HSPG2: variants seen among roughly 807,000 people sequenced by gnomAD.
HSPG2 encodes heparan sulfate proteoglycan 2, also known as basement membrane-specific heparan sulfate proteoglycan core protein.
In HSPG2, 278 loss-of-function variants were observed where a neutral mutation model predicts 526.6. The observed-to-expected ratio is 0.53, with a 90% CI of 0.48 to 0.58. The LOEUF (loss-of-function observed/expected upper bound fraction) is 0.58. Ranked by LOEUF, HSPG2 falls within the 20% of genes least tolerant of loss-of-function variation. HSPG2 has a pLI of 0.00. For synonymous variants in HSPG2, 2,465 were observed against 2,555.4 expected, an observed-to-expected ratio of 0.96 and a Z score of 1.07; for missense variants, 5,354 against 6,099.5, an observed-to-expected ratio of 0.88 and a Z score of 4.07.
At chr1:21,840,569 T>G (rs1285030595) in intron 71 of HSPG2, among the ~76,000 whole-genome samples, 1 of 152,110 alleles carries the variant, frequency 6.6e-6, no homozygotes, top group Non-Finnish European at 1.5e-5. Flanking sequence ...GCCTCCCAAA[T>G]TGCTAGGATT....
At position 21,864,250 on chromosome 1, in the gene HSPG2, C is replaced by A; in HGVS notation, c.4627-37G>T. The A allele has an allele frequency of 2.7e-6, 4 of 1,504,366 alleles. No individual in the cohort carries two copies. The highest frequency in any genetic ancestry group is 2.4e-5 in the South Asian group (2 of 83,112). The allele number at this position is 1,504,366 out of a possible 1,614,324, so 93.2% of individuals were successfully genotyped here. A position where few individuals can be genotyped will look rare whatever the true frequency, so the allele number is the denominator to read the frequency against. ...GAGGAAGGTTGGCCTCTGTTCCCAACGTGCCCCACCCACAGCCAGCAGACC... is the reference window on the plus strand; with the variant it reads ...GAGGAAGGTTGGCCTCTGTTCCCAAAGTGCCCCACCCACAGCCAGCAGACC... On this transcript the variant is annotated intron_variant, in intron 36 of 96. Coordinates refer to ENST00000374695, the MANE Select transcript of HSPG2 (RefSeq NM_005529.7). This position sits in a 1 kb window ranked among gnomAD's most constrained non-coding sequence, Gnocchi z 4.8.
Position 21,839,685 on chromosome 1 carries a change from T to TG in HSPG2, c.9709+136dup. 1.5e-6 allele frequency: 2 copies of TG among 1,375,458 alleles called. No homozygotes were observed. The highest frequency in any genetic ancestry group is 2.0e-6 in the Non-Finnish European group (2 of 991,612). The allele number at this position is 1,375,458 out of a possible 1,614,324, so 85.2% of individuals were successfully genotyped here. A position where few individuals can be genotyped will look rare whatever the true frequency, so the allele number is the denominator to read the frequency against. The stretch of plus-strand genomic sequence containing the variant: ...CCCAGTTGGGTTCCTCGGCCATCAC[T>TG]GGGGGATGCTAGCAACACGGTCTCC... On this transcript the variant is annotated intron_variant, in intron 72 of 96. Coordinates refer to ENST00000374695, the MANE Select transcript of HSPG2 (RefSeq NM_005529.7). The surrounding 1 kb of genome is among the most constrained non-coding windows in gnomAD (Gnocchi z 4.5).
Position 21,928,388 on chromosome 1 carries a change from C to A in HSPG2, c.63+8767G>T, listed in dbSNP as rs549744150. Among the ~76,000 whole-genome samples the A allele has an allele frequency of 4.7e-4, 71 of 152,360 alleles. 1 individual carries two copies. Among genetic ancestry groups the A allele is most frequent in the African/African-American group, 1.6e-3 (67 of 41,598 alleles). The stretch of plus-strand genomic sequence containing the variant: ...TCCAATCTCAGCAAGGAGCCTGGGC[C>A]TTCTTGGCCTGCTGGCTTCCTCAAA... On this transcript the variant is annotated intron_variant, in intron 1 of 96. Coordinates refer to ENST00000374695, the MANE Select transcript of HSPG2 (RefSeq NM_005529.7).
In HSPG2 at chr1:21,895,947, G is replaced by T. The variant is rs745491060; in HGVS notation, c.219C>A (p.Asp73Glu). ...SISGDDLGSG[D>E]LGSGDFQMVY... is the part of the protein sequence containing the mutation. The stretch of plus-strand genomic sequence containing the variant: ...CCATCTGGAAGTCCCCGCTGCCCAG[G>T]TCCCCACTGCCCAGGTCGTCTATAA... Residue 73 changes from aspartate to glutamate, a missense_variant, in exon 3 of 97, where the codon GAC (aspartate) becomes GAA (glutamate). Physicochemically the swap from Asp to Glu is conservative, Grantham distance 45. Coordinates refer to ENST00000374695, the MANE Select transcript of HSPG2 (RefSeq NM_005529.7). This position sits in a 1 kb window ranked among gnomAD's most constrained non-coding sequence, Gnocchi z 4.1. The T allele has an allele frequency of 1.2e-6, 2 of 1,613,940 alleles. No homozygotes were observed. The highest frequency in any genetic ancestry group is 8.5e-7 in the Non-Finnish European group (1 of 1,179,960).
chr1:21,865,598 C>A lies in HSPG2; in HGVS notation c.4314+119G>T, dbSNP rs543620547. The A allele has an allele frequency of 3.5e-4, 340 of 969,352 alleles. 1 individual carries two copies. In the East Asian group the frequency reaches 8.0e-3, roughly 23 times the overall value. 60.0% of individuals were successfully genotyped at this position (969,352 alleles called of 1,614,324 possible). A position where few individuals can be genotyped will look rare whatever the true frequency, so the allele number is the denominator to read the frequency against. On this transcript the variant is annotated intron_variant, in intron 34 of 96. Coordinates refer to ENST00000374695, the MANE Select transcript of HSPG2 (RefSeq NM_005529.7). The surrounding 1 kb of genome is among the most constrained non-coding windows in gnomAD (Gnocchi z 5.4). ...GGGATGTGGGGGCATGGGCCTAACTCCCCCAGCCTGTGCCAGAAAACTGAG... is the reference window on the plus strand; with the variant it reads ...GGGATGTGGGGGCATGGGCCTAACTACCCCAGCCTGTGCCAGAAAACTGAG...
At chr1:21,869,738 C>T in intron 33 of HSPG2, 1 of 985,902 alleles carries the variant, frequency 1.0e-6, no homozygotes, top group African/African-American at 1.7e-5. Flanking sequence ...GGCTTCACCT[C>T]CCCACGGGCC....
chr1:21,885,734 G>A (rs1054880092), intron 9 of HSPG2, among the ~76,000 whole-genome samples: 17 of 150,832 alleles, frequency 1.1e-4, no homozygotes, highest in African/African-American at 3.4e-4. Context: ...ACCCAGCCAC[G>A]CTCAGAGGCA....
At position 21,847,207 on chromosome 1, in the gene HSPG2, T is replaced by C. The variant is rs542775013; in HGVS notation, c.8164+147A>G. ...TATTGAGAATTTGAAATGTTAGAAA[T>C]GGGGTAGCCGTAGCCACTGAACCCA... On this transcript the variant is annotated intron_variant, in intron 62 of 96. Coordinates refer to ENST00000374695, the MANE Select transcript of HSPG2 (RefSeq NM_005529.7). This position sits in a 1 kb window ranked among gnomAD's most constrained non-coding sequence, Gnocchi z 4.1. The C allele has an allele frequency of 7.1e-5, 58 of 816,362 alleles. No individual in the cohort carries two copies. The East Asian group carries it at 7.8e-4, about 11-fold the overall frequency. 50.6% of individuals were successfully genotyped at this position (816,362 alleles called of 1,614,324 possible).
chr1:21,832,353 C>T, intron 81 of HSPG2, 142 bp downstream of exon 81: 1 of 690,584 alleles, frequency 1.4e-6, no homozygotes, highest in East Asian at 2.7e-5. Context: ...CCTACTCTAG[C>T]AGATTGGGTG....
chr1:21,934,806 A>G (rs1164739880), intron 1 of HSPG2, among the ~76,000 whole-genome samples: 5 of 152,134 alleles, frequency 3.3e-5, no homozygotes, highest in African/African-American at 1.2e-4. Flanking sequence ...TATGCTGGCC[A>G]GGCTGATCTT....
At chr1:21,933,299 C>T (rs1644393782) in intron 1 of HSPG2, among the ~76,000 whole-genome samples, 1 of 151,922 alleles carries the variant, frequency 6.6e-6, no homozygotes, top group Non-Finnish European at 1.5e-5. Context: ...GGCAGGAGGC[C>T]GGGTGTTGCA....
In HSPG2 at chr1:21,890,244, G is replaced by C. The variant is rs1026327998; in HGVS notation, c.414-103C>G. 5 of 1,454,260 alleles carry C rather than the reference G, an allele frequency of 3.4e-6. No homozygotes were observed. In the African/African-American group the frequency reaches 6.9e-5, roughly 20 times the overall value. 90.1% of individuals were successfully genotyped at this position (1,454,260 alleles called of 1,614,324 possible). On this transcript the variant is annotated intron_variant, in intron 5 of 96. Coordinates refer to ENST00000374695, the MANE Select transcript of HSPG2 (RefSeq NM_005529.7). This position sits in a 1 kb window ranked among gnomAD's most constrained non-coding sequence, Gnocchi z 4.1. Reference sequence around the variant, plus strand: ...GACGCTCAGGCCCTGTTCCGGGACAGCCTGTACCCAAAGAAGGGCAACTAA... The same window carrying C: ...GACGCTCAGGCCCTGTTCCGGGACACCCTGTACCCAAAGAAGGGCAACTAA...
At chr1:21,850,014 C>T (rs1244179921) in intron 57 of HSPG2, 27 bp downstream of exon 57, 1 of 1,611,978 alleles carries the variant, frequency 6.2e-7, no homozygotes, top group Admixed American at 1.7e-5. Flanking sequence ...CAGGGTCCTT[C>T]AGGCTTCCTG....
At position 21,870,956 on chromosome 1, in the gene HSPG2, T is replaced by C. The variant is rs1640597543; in HGVS notation, c.4221+1230A>G. 4 of 831,072 alleles carry C rather than the reference T, an allele frequency of 4.8e-6. No individual in the cohort carries two copies. In the South Asian group the frequency reaches 1.6e-4, roughly 34 times the overall value. 51.5% of individuals were successfully genotyped at this position (831,072 alleles called of 1,614,324 possible). On this transcript the variant is annotated intron_variant, in intron 33 of 96. Coordinates refer to ENST00000374695, the MANE Select transcript of HSPG2 (RefSeq NM_005529.7). ...ACAGGGCAGCAGGGAGGCCAGGAGA[T>C]AGCGAACCCCAGAAGGGAGAGGGGA...
At chr1:21,926,472 G>T (rs1458204360) in intron 1 of HSPG2, among the ~76,000 whole-genome samples, 2 of 152,178 alleles carry the variant, frequency 1.3e-5, no homozygotes, top group Non-Finnish European at 2.9e-5. Flanking sequence ...GATAGAGGCT[G>T]CTGGGCGTGG....
intron 13 of HSPG2, 134 bp downstream of exon 13, chr1:21,884,394 C>G (rs1006645687): frequency 2.4e-6 from 3 of 1,238,716 alleles, no homozygotes; most frequent in Non-Finnish European, 3.5e-6. Flanking sequence ...TTTGACAGGG[C>G]TCAGTGTTTC....
chr1:21,936,966 C>G (rs1025484607), intron 1 of HSPG2, among the ~76,000 whole-genome samples, 189 bp downstream of exon 1: 22 of 152,122 alleles, frequency 1.4e-4, no homozygotes, highest in African/African-American at 4.6e-4. Context: ...CTGGTGGCCC[C>G]CCTGGATTAG....
chr1:21,872,447 A>C lies in HSPG2; in HGVS notation c.4030-70T>G, dbSNP rs1487175726. 2.7e-5 allele frequency: 39 copies of C among 1,447,438 alleles called. No homozygotes were observed. In the South Asian group the frequency reaches 4.7e-4, roughly 17 times the overall value. The allele number at this position is 1,447,438 out of a possible 1,614,324, so 89.7% of individuals were successfully genotyped here. A position where few individuals can be genotyped will look rare whatever the true frequency, so the allele number is the denominator to read the frequency against. The stretch of plus-strand genomic sequence containing the variant: ...GCCTTGGTGGGGGATGGGGCACGGG[A>C]GGGTGTTAAGGTGCGGAATGGGGTC... On this transcript the variant is annotated intron_variant, in intron 32 of 96. Transcript: ENST00000374695. This position sits in a 1 kb window ranked among gnomAD's most constrained non-coding sequence, Gnocchi z 5.5.
At position 21,898,604 on chromosome 1, in the gene HSPG2, C is replaced by A. The variant is rs1411975932; in HGVS notation, c.64-2294G>T. Among the ~76,000 whole-genome samples, 1 of 152,244 alleles carries A rather than the reference C, an allele frequency of 6.6e-6. No homozygotes were observed. Among genetic ancestry groups the A allele is most frequent in the Non-Finnish European group, 1.5e-5 (1 of 68,046 alleles). On this transcript the variant is annotated intron_variant, in intron 1 of 96. Coordinates refer to ENST00000374695, the MANE Select transcript of HSPG2 (RefSeq NM_005529.7). The surrounding 1 kb of genome is among the most constrained non-coding windows in gnomAD (Gnocchi z 4.0). The stretch of plus-strand genomic sequence containing the variant: ...CTGGTTAGAACCGTAAGACCAGCCC[C>A]TACCAGGCGCTCTGCCTCCTTCCCT...
Sources: allele counts gnomAD v4.1 joint callset (sites outside exome capture counted in the v4.1 genomes callset), GRCh38; gene constraint gnomAD v4.1.1; non-coding constraint Gnocchi (gnomAD v3.1); transcripts MANE v1.5; gene names NCBI Gene and HGNC (gene_info 2026-07-23, HGNC 2026-07-21).